Variants in TDRD12 observed in about 807,000 individuals in gnomAD.
TDRD12 encodes tudor domain containing 12.
In TDRD12, 158 loss-of-function variants were observed where a neutral mutation model predicts 133.5. The observed-to-expected ratio is 1.18, with a 90% CI of 1.04 to 1.35. TDRD12 has a LOEUF of 1.35. TDRD12 is among the 40% of genes most tolerant of loss of function. The pLI, the probability that TDRD12 is intolerant of heterozygous loss-of-function variation, is 0.00. For synonymous variants in TDRD12, 460 were observed against 477.9 expected (o/e 0.96, Z 0.49); for missense variants, 1,443 against 1,321.3 (o/e 1.09, Z -1.43).
At chr19:32,807,384 AT>A (rs1181872514) in intron 21 of TDRD12, 164 bp from the exon 22 acceptor site, 18 of 368,910 alleles carry the variant, frequency 4.9e-5, no homozygotes, top group African/African-American at 3.0e-4. Flanking sequence ...TTATTTGTAT[AT>A]TATTAATGTC....
chr19:32,752,582 T>C (rs1239262531), intron 6 of TDRD12, among the ~76,000 whole-genome samples: 2 of 152,122 alleles, frequency 1.3e-5, no homozygotes, highest in Non-Finnish European at 2.9e-5. Flanking sequence ...TTTGGAAATG[T>C]ATTTTATTTG....
chr19:32,817,021 C>T (rs1369114534), intron 26 of TDRD12, among the ~76,000 whole-genome samples: 4 of 152,240 alleles, frequency 2.6e-5, no homozygotes, highest in Admixed American at 2.0e-4. Context: ...CAAGTGTGGG[C>T]AGGGATGAGA....
At chr19:32,798,746 C>A (rs1438425591) in intron 16 of TDRD12, among the ~76,000 whole-genome samples, 1 of 152,144 alleles carries the variant, frequency 6.6e-6, no homozygotes, top group Non-Finnish European at 1.5e-5. Context: ...TTGAAAAACC[C>A]AGCCTGCACA....
Position 32,793,055 on chromosome 19 carries a change from A to G in TDRD12, c.1288-1573A>G, listed in dbSNP as rs181691059. ...CAAAAAATTAGCTGGGTGTGGTGGC[A>G]TGTGCCTATAGTCCCAGTCGCTTGG... On this transcript the variant is annotated intron_variant, in intron 13 of 27. Coordinates refer to ENST00000444215, the Ensembl canonical transcript of TDRD12. Among the ~76,000 whole-genome samples the G allele has an allele frequency of 3.0e-4, 45 of 152,232 alleles. No individual in the cohort carries two copies. In the East Asian group the frequency reaches 8.7e-3, roughly 29 times the overall value.
chr19:32,755,788 A>G (rs545442557), intron 6 of TDRD12, among the ~76,000 whole-genome samples: 1 of 152,344 alleles, frequency 6.6e-6, no homozygotes, highest in East Asian at 1.9e-4. Context: ...TGTGTTTCAC[A>G]CAGATGCTTG....
At chr19:32,773,308 T>G (rs1568469691) in intron 9 of TDRD12, 148 bp from the exon 10 acceptor site, 7 of 699,034 alleles carry the variant, frequency 1.0e-5, no homozygotes, top group Non-Finnish European at 1.7e-5. Context: ...AACTTTCCAG[T>G]TTTTTATCTC....
At chr19:32,825,549 T>C (rs1394546107), downstream of TDRD12, among the ~76,000 whole-genome samples, 1 of 152,206 alleles carries the variant, frequency 6.6e-6, no homozygotes, top group African/African-American at 2.4e-5. This position sits in a 1 kb window ranked among gnomAD's most constrained non-coding sequence, Gnocchi z 4.1. Flanking sequence ...TTCCTGGTCA[T>C]TGAATTTTAA....
At chr19:32,829,462 T>C (rs1458737684), downstream of TDRD12, 1 of 152,264 alleles carries the variant, frequency 6.6e-6, no homozygotes, top group East Asian at 1.9e-4. Context: ...TGGTCAAATA[T>C]CTAAAATGCA....
At chr19:32,726,893 A>G (rs549799136) in intron 1 of TDRD12, among the ~76,000 whole-genome samples, 6 of 152,204 alleles carry the variant, frequency 3.9e-5, no homozygotes, top group South Asian at 2.1e-4. Context: ...TAATGCTGCT[A>G]TGAACACAGG....
intron 26 of TDRD12, 72 bp from the exon 27 acceptor site, chr19:32,818,017 T>G (rs1967241664): frequency 1.1e-5 from 8 of 700,452 alleles, no homozygotes; most frequent in Non-Finnish European, 2.1e-5. Context: ...AGCTCTGTCC[T>G]CTACTGTCCC....
intron 1 of TDRD12, among the ~76,000 whole-genome samples, chr19:32,721,549 C>T (rs1015117107): frequency 2.0e-5 from 3 of 151,616 alleles, no homozygotes; most frequent in Non-Finnish European, 4.4e-5. Flanking sequence ...CCACACCTGG[C>T]TAATTTTTGT....
chr19:32,787,122 C>T (rs1177398637), intron 11 of TDRD12, among the ~76,000 whole-genome samples: 1 of 149,058 alleles, frequency 6.7e-6, no homozygotes, highest in African/African-American at 2.5e-5. Context: ...TGTAGATGTC[C>T]TTTTTGTTGA....
At chr19:32,816,713 C>T (rs750493185) in intron 26 of TDRD12, among the ~76,000 whole-genome samples, 22 of 152,346 alleles carry the variant, frequency 1.4e-4, no homozygotes, top group Non-Finnish European at 2.8e-4. Flanking sequence ...GCCAGCGTCT[C>T]CTCCCATGGG....
intron 8 of TDRD12, among the ~76,000 whole-genome samples, chr19:32,758,709 C>T (rs941443695): frequency 6.6e-6 from 1 of 152,174 alleles, no homozygotes; most frequent in African/African-American, 2.4e-5. Flanking sequence ...TCAAGGCTGG[C>T]AGATCACTTG....
chr19:32,775,836 C>A (rs1305556752), intron 10 of TDRD12, among the ~76,000 whole-genome samples: 1 of 152,022 alleles, frequency 6.6e-6, no homozygotes, highest in African/African-American at 2.4e-5. Context: ...TTTCCTGGGC[C>A]CGTGTGTGCT....
intron 11 of TDRD12, among the ~76,000 whole-genome samples, chr19:32,786,486 G>C (rs1368756237): frequency 6.6e-6 from 1 of 152,140 alleles, no homozygotes. Flanking sequence ...CTAGGTTGGG[G>C]AAGTTCTCCT....
At chr19:32,733,740 G>A (rs1446465803) in intron 2 of TDRD12, among the ~76,000 whole-genome samples, 1 of 152,068 alleles carries the variant, frequency 6.6e-6, no homozygotes, top group East Asian at 1.9e-4. Flanking sequence ...TTTTATTCAG[G>A]CACTCGATGT....
chr19:32,731,845 G>A (rs1261302941), exon 2 of TDRD12: 2 of 1,549,560 alleles, frequency 1.3e-6, no homozygotes, highest in Non-Finnish European at 8.7e-7. Context: ...CACGTGTCAA[G>A]ATATAGAAAT....
At position 32,773,620 on chromosome 19, in the gene TDRD12, C is replaced by T. The variant is rs576089813; in HGVS notation, c.1040+88C>T. 65 of 1,180,210 alleles carry T rather than the reference C, an allele frequency of 5.5e-5. No homozygotes were observed. The East Asian group carries it at 1.6e-3, about 29-fold the overall frequency. 73.1% of individuals were successfully genotyped at this position (1,180,210 alleles called of 1,614,324 possible). The stretch of plus-strand genomic sequence containing the variant: ...GGCTGAGCTGGGGGGATCGCTTAAG[C>T]CCAGGAGGTCGAGGCTTCAGTGAGC... On this transcript the variant is annotated intron_variant, in intron 10 of 27. Transcript: ENST00000444215.
Sources: gnomAD v4.1 joint callset for allele counts (sites outside exome capture counted in the v4.1 genomes callset) on GRCh38, gnomAD v4.1.1 for gene constraint, Gnocchi (gnomAD v3.1) non-coding constraint, MANE v1.5 for transcripts, NCBI Gene and HGNC (gene_info 2026-07-23, HGNC 2026-07-21) for gene names.